FER1L6: variants seen among roughly 807,000 people sequenced by gnomAD.
FER1L6 encodes fer-1 like family member 6, also known as fer-1-like protein 6.
In FER1L6, 177 loss-of-function variants were observed where a neutral mutation model predicts 219.2. The ratio of observed to expected loss-of-function variants is 0.81; its 90% CI spans 0.71 to 0.91. The LOEUF (loss-of-function observed/expected upper bound fraction) is 0.91, where lower values mean the gene tolerates loss of function less well. FER1L6 is among the 40% of genes least tolerant of loss of function. The probability of loss-of-function intolerance (pLI) is 0.00; values close to 1 mark genes in which losing one functional copy is unlikely to be tolerated. For missense variants in FER1L6, 2,153 were observed against 2,259.9 expected (o/e 0.95, Z 0.96); for synonymous variants, 768 against 824.3 (o/e 0.93, Z 1.17).
chr8:124,085,803 A>G (rs1410155501), intron 33 of FER1L6, among the ~76,000 whole-genome samples: 1 of 152,128 alleles, frequency 6.6e-6, no homozygotes, highest in Non-Finnish European at 1.5e-5. Flanking sequence ...TGACCTGCCC[A>G]GTGCTGAAAA....
At chr8:123,889,586 G>C (rs982406954) in intron 1 of FER1L6, among the ~76,000 whole-genome samples, 4 of 151,932 alleles carry the variant, frequency 2.6e-5, no homozygotes, top group African/African-American at 7.2e-5. Context: ...AAAAAGAATA[G>C]AAATAAGTAT....
chr8:124,008,360 T>G (rs1321001917), intron 13 of FER1L6, among the ~76,000 whole-genome samples: 1 of 152,208 alleles, frequency 6.6e-6, no homozygotes, highest in Non-Finnish European at 1.5e-5. Context: ...TGATGGGCAA[T>G]TGGGCTAGTT....
intron 1 of FER1L6, among the ~76,000 whole-genome samples, chr8:123,883,928 A>G (rs532502401): frequency 6.6e-6 from 1 of 152,312 alleles, no homozygotes; most frequent in Non-Finnish European, 1.5e-5. Context: ...TAATACAATC[A>G]TGTTGGTAAT....
intron 1 of FER1L6, among the ~76,000 whole-genome samples, chr8:123,892,601 A>G (rs1253245265): frequency 1.3e-5 from 2 of 152,270 alleles, no homozygotes; most frequent in East Asian, 3.9e-4. Context: ...AGAGAGACAG[A>G]TTTAGTTGGC....
chr8:123,926,528 C>A (rs1039568763), intron 1 of FER1L6, among the ~76,000 whole-genome samples: 1 of 152,140 alleles, frequency 6.6e-6, no homozygotes, highest in Non-Finnish European at 1.5e-5. Context: ...GTGGGGGAGG[C>A]AAACCTTGTC....
intron 40 of FER1L6, among the ~76,000 whole-genome samples, chr8:124,119,157 C>T (rs566330978): frequency 8.5e-5 from 13 of 152,136 alleles, no homozygotes; most frequent in Non-Finnish European, 1.2e-4. Context: ...CAGGAGCTTT[C>T]GATCTATTTG....
chr8:123,934,116 G>T (rs192595406), intron 1 of FER1L6, among the ~76,000 whole-genome samples: 191 of 152,184 alleles, frequency 1.3e-3, no homozygotes, highest in Admixed American at 5.2e-3. Context: ...CTATACTATT[G>T]ATACTTTTTT....
At chr8:124,065,329 A>G (rs1026251500) in intron 26 of FER1L6, among the ~76,000 whole-genome samples, 12 of 137,742 alleles carry the variant, frequency 8.7e-5, no homozygotes, top group Non-Finnish European at 1.5e-4. Flanking sequence ...TGAGCCTGGG[A>G]GGCGGAGGCT....
chr8:123,936,735 C>T (rs948237273), intron 1 of FER1L6, among the ~76,000 whole-genome samples: 1 of 152,046 alleles, frequency 6.6e-6, no homozygotes, highest in Non-Finnish European at 1.5e-5. Context: ...TCATCTATCC[C>T]AGCTTCAAAA....
In FER1L6 at chr8:124,111,560, G is replaced by A. The variant is rs749868530; in HGVS notation, c.5290-7284G>A. The stretch of plus-strand genomic sequence containing the variant: ...TAAAAGAATGGCTACTCCATAGACC[G>A]AGCAGCCCCAAGGGCTGCTAGTTGC... On this transcript the variant is annotated intron_variant, in intron 39 of 40. Coordinates refer to ENST00000522917, the MANE Select transcript of FER1L6 (RefSeq NM_001039112.2). This position sits in a 1 kb window ranked among gnomAD's most constrained non-coding sequence, Gnocchi z 5.0. Among the ~76,000 whole-genome samples, 3 of 152,218 alleles carry A rather than the reference G, an allele frequency of 2.0e-5. No homozygotes were observed. Among genetic ancestry groups the A allele is most frequent in the Admixed American group, 6.5e-5 (1 of 15,288 alleles).
chr8:123,924,224 ACT>A (rs1363904674), intron 1 of FER1L6, among the ~76,000 whole-genome samples: 2 of 116,598 alleles, frequency 1.7e-5, no homozygotes, highest in Non-Finnish European at 3.3e-5. Flanking sequence ...GACAGAGGAG[ACT>A]CAGTATCAAA....
intron 1 of FER1L6, among the ~76,000 whole-genome samples, chr8:123,875,350 T>C (rs1411729287): frequency 1.3e-5 from 2 of 152,208 alleles, no homozygotes; most frequent in Non-Finnish European, 2.9e-5. Context: ...GATTTCACTC[T>C]TCAGTTTCTG....
At chr8:124,019,520 G>C (rs1254765546) in intron 16 of FER1L6, among the ~76,000 whole-genome samples, 1 of 152,178 alleles carries the variant, frequency 6.6e-6, no homozygotes, top group Non-Finnish European at 1.5e-5. Context: ...TCCAAGCATA[G>C]TGCCTGGTGT....
At chr8:123,890,708 CAA>C (rs532505699) in intron 1 of FER1L6, among the ~76,000 whole-genome samples, 353 of 121,750 alleles carry the variant, frequency 2.9e-3, no homozygotes, top group Middle Eastern at 0.016. Flanking sequence ...ACAACAACAA[CAA>C]CAAAAACCAA....
At chr8:124,065,878 C>T (rs1820810811) in intron 26 of FER1L6, among the ~76,000 whole-genome samples, 1 of 152,168 alleles carries the variant, frequency 6.6e-6, no homozygotes, top group Non-Finnish European at 1.5e-5. Flanking sequence ...CCTCTCCTGC[C>T]ACCCCATCAA....
At chr8:123,928,945 G>A (rs1813665255) in intron 1 of FER1L6, among the ~76,000 whole-genome samples, 1 of 152,124 alleles carries the variant, frequency 6.6e-6, no homozygotes, top group Non-Finnish European at 1.5e-5. Flanking sequence ...AGGGAAATGG[G>A]GGTGACTTAA....
chr8:123,954,436 T>G (rs1401807033), intron 1 of FER1L6, among the ~76,000 whole-genome samples: 1 of 152,060 alleles, frequency 6.6e-6, no homozygotes, highest in Non-Finnish European at 1.5e-5. Context: ...TTATCTGAAT[T>G]AAAAAAAGCA....
intron 2 of FER1L6, among the ~76,000 whole-genome samples, chr8:123,961,344 T>A (rs1364846498): frequency 6.6e-6 from 1 of 152,214 alleles, no homozygotes; most frequent in Non-Finnish European, 1.5e-5. Context: ...AGCAGCTTCC[T>A]AGGTGATGCT....
chr8:123,923,308 C>T (rs1172655163), intron 1 of FER1L6, among the ~76,000 whole-genome samples: 1 of 152,178 alleles, frequency 6.6e-6, no homozygotes, highest in African/African-American at 2.4e-5. Flanking sequence ...GAAGCAACTT[C>T]GTCAATGTCA....
Sources: allele counts gnomAD v4.1 joint callset (sites outside exome capture counted in the v4.1 genomes callset), GRCh38; gene constraint gnomAD v4.1.1; non-coding constraint Gnocchi (gnomAD v3.1); transcripts MANE v1.5; gene names NCBI Gene and HGNC (gene_info 2026-07-23, HGNC 2026-07-21).